DPH6: variants seen among roughly 807,000 people sequenced by gnomAD.
DPH6 encodes diphthine--ammonia ligase.
A neutral mutation model predicts 38.2 loss-of-function variants in DPH6; 33 were observed. The ratio of observed to expected loss-of-function variants is 0.86; its 90% CI spans 0.65 to 1.15. The LOEUF (loss-of-function observed/expected upper bound fraction) is 1.15, where lower values mean the gene tolerates loss of function less well. DPH6 is among the 50% of genes most tolerant of loss of function. DPH6 has a pLI of 0.00. For missense variants in DPH6, 325 were observed against 320.0 expected (o/e 1.02, Z -0.12); for synonymous variants, 108 against 103.0 (o/e 1.05, Z -0.30).
chr15:35,309,317 T>A (rs2052120728), intron 3 of DPH6, among the ~76,000 whole-genome samples: 1 of 152,170 alleles, frequency 6.6e-6, no homozygotes, highest in Non-Finnish European at 1.5e-5. Context: ...AAGGACATGA[T>A]GAAGTAGGTC....
intron 3 of DPH6, among the ~76,000 whole-genome samples, chr15:35,261,828 C>G (rs970255161): frequency 2.2e-5 from 2 of 91,150 alleles, no homozygotes; most frequent in African/African-American, 6.2e-5. Flanking sequence ...GCAAGACCCT[C>G]TCTTAAAAAA....
At chr15:35,224,100 GTT>G (rs142813866) in intron 3 of DPH6, among the ~76,000 whole-genome samples, 5 of 88,908 alleles carry the variant, frequency 5.6e-5, no homozygotes, top group Non-Finnish European at 4.4e-5. Context: ...CATGATTTTA[GTT>G]TTTTTTTTTT....
chr15:35,347,373 A>C (rs555084134), intron 3 of DPH6, among the ~76,000 whole-genome samples: 1 of 151,644 alleles, frequency 6.6e-6, no homozygotes, highest in Non-Finnish European at 1.5e-5. Flanking sequence ...GGCTGGCTCA[A>C]ACTCCCGGGT....
the DPH6 span, among the ~76,000 whole-genome samples, chr15:35,169,247 G>C: frequency 6.6e-6 from 1 of 151,934 alleles, no homozygotes; most frequent in African/African-American, 2.4e-5. Flanking sequence ...CCTTAAAAAC[G>C]AGCATACAGG....
intron 3 of DPH6, among the ~76,000 whole-genome samples, chr15:35,235,565 T>C (rs1261339138): frequency 1.3e-5 from 2 of 152,254 alleles, no homozygotes; most frequent in African/African-American, 4.8e-5. Flanking sequence ...AAGTATTCAA[T>C]GTAATCCAGA....
chr15:35,490,185 T>C (rs2054457967), intron 3 of DPH6: 1 of 985,180 alleles, frequency 1.0e-6, no homozygotes, highest in Non-Finnish European at 1.2e-6. Context: ...CCTGTGGCTC[T>C]TTCTTACTCT....
chr15:35,154,333 T>C, the DPH6 span, among the ~76,000 whole-genome samples: 2 of 152,064 alleles, frequency 1.3e-5, no homozygotes, highest in Non-Finnish European at 2.9e-5. Context: ...ATAAAATAAA[T>C]AAATAAATAT....
At chr15:35,446,995 A>C (rs2141070288) in intron 5 of DPH6, among the ~76,000 whole-genome samples, 1 of 151,852 alleles carries the variant, frequency 6.6e-6, no homozygotes, top group South Asian at 2.1e-4. Flanking sequence ...CAGCCTCCTG[A>C]GTAGCTAGGA....
At chr15:35,179,270 C>T in the DPH6 span, among the ~76,000 whole-genome samples, 1 of 139,224 alleles carries the variant, frequency 7.2e-6, no homozygotes, top group Non-Finnish European at 1.6e-5. Flanking sequence ...GGACAATTTA[C>T]ATCAAATTTT....
chr15:35,425,842 A>G lies in DPH6; in HGVS notation c.506-14946T>C, dbSNP rs1423733589. On this transcript the variant is annotated intron_variant, in intron 5 of 8. Transcript: ENST00000256538. ...ATATATATATATATCTCATATATCC[A>G]TATATATCCTATCCATATAACCAGC... is the stretch of plus-strand genomic sequence containing the variant. Among the ~76,000 whole-genome samples the G allele has an allele frequency of 3.3e-5, 5 of 149,382 alleles. No individual in the cohort carries two copies. The East Asian group carries it at 9.8e-4, about 29-fold the overall frequency.
intron 3 of DPH6, among the ~76,000 whole-genome samples, chr15:35,342,369 T>C (rs1172130624): frequency 6.6e-6 from 1 of 152,230 alleles, no homozygotes; most frequent in Non-Finnish European, 1.5e-5. Context: ...TGTGGTTTCC[T>C]AGGCAGGGCC....
At chr15:35,182,376 G>A in the DPH6 span, among the ~76,000 whole-genome samples, 8 of 151,420 alleles carry the variant, frequency 5.3e-5, no homozygotes, top group South Asian at 8.4e-4. Flanking sequence ...AATTTAATAC[G>A]TTTAGTTTCT....
intron 3 of DPH6, among the ~76,000 whole-genome samples, chr15:35,319,586 C>G (rs1011908262): frequency 6.6e-6 from 1 of 151,850 alleles, no homozygotes; most frequent in Admixed American, 6.6e-5. Context: ...ACTAAAAATA[C>G]AAAAATTAGC....
chr15:35,495,085 T>C (rs1385949360), intron 3 of DPH6, among the ~76,000 whole-genome samples: 1 of 152,146 alleles, frequency 6.6e-6, no homozygotes, highest in African/African-American at 2.4e-5. Context: ...CCAATATAAT[T>C]TGATAGTATT....
downstream of DPH6, among the ~76,000 whole-genome samples, chr15:35,329,643 C>G (rs1262140842): frequency 6.6e-6 from 1 of 152,102 alleles, no homozygotes; most frequent in East Asian, 1.9e-4. Flanking sequence ...AAGGCTTGTA[C>G]AAGCAGATGA....
the DPH6 span, among the ~76,000 whole-genome samples, chr15:35,181,072 T>C: frequency 6.6e-6 from 1 of 152,232 alleles, no homozygotes; most frequent in South Asian, 2.1e-4. Flanking sequence ...GCTTAAAATA[T>C]GGTTCCACCA....
At chr15:35,402,937 T>A (rs2053240635) in intron 6 of DPH6, among the ~76,000 whole-genome samples, 1 of 152,062 alleles carries the variant, frequency 6.6e-6, no homozygotes, top group Admixed American at 6.6e-5. Flanking sequence ...CATAAGTAAA[T>A]AATGATACCT....
rs1039188676 is a variant in DPH6 at position 35,352,051 on chromosome 15, T to C, written n.208-20974A>G. 2.6e-5 allele frequency among the ~76,000 whole-genome samples: 4 copies of C among 152,338 alleles called. No individual in the cohort carries two copies. In the East Asian group the frequency reaches 5.8e-4, roughly 22 times the overall value. ...TGCTTCTTTCTATATTATGTTTAAA[T>C]TGAAAAATATTTGTGGATACAGTTA... On this transcript the variant is annotated intron_variant and non_coding_transcript_variant, in intron 3 of 3. Coordinates refer to the DPH6 transcript ENST00000558973.
chr15:35,326,829 T>C (rs925371115), downstream of DPH6, among the ~76,000 whole-genome samples: 18 of 152,070 alleles, frequency 1.2e-4, no homozygotes, highest in African/African-American at 4.1e-4. Context: ...AATTTTTACC[T>C]CCCCATCCCT....
Sources: gnomAD v4.1 joint callset for allele counts (sites outside exome capture counted in the v4.1 genomes callset) on GRCh38, gnomAD v4.1.1 for gene constraint, MANE v1.5 for transcripts, NCBI Gene and HGNC (gene_info 2026-07-23, HGNC 2026-07-21) for gene names.